Variants in ARHGAP26 observed in about 807,000 individuals in gnomAD.
The protein encoded by ARHGAP26 is rho GTPase-activating protein 26.
ARHGAP26 carries 38 observed loss-of-function variants against 104.8 expected under a neutral mutation model. That is an observed-to-expected ratio of 0.36 (90% CI 0.28 to 0.48). ARHGAP26 has a LOEUF of 0.48. ARHGAP26 is among the 20% of genes least tolerant of loss of function. The pLI is 0.99. For synonymous variants in ARHGAP26, 341 were observed against 340.0 expected, an observed-to-expected ratio of 1.00 and a Z score of -0.03; for missense variants, 704 against 947.9, an observed-to-expected ratio of 0.74 and a Z score of 3.38.
At chr5:143,012,577 T>TATATATATATATATATAC (rs1554195775) in intron 11 of ARHGAP26, among the ~76,000 whole-genome samples, 1 of 19,088 alleles carries the variant, frequency 5.2e-5, no homozygotes, top group Non-Finnish European at 2.2e-4. Flanking sequence ...ATATATATAT[T>TATATATATATATATATAC]ATGATCAGGT....
At chr5:142,774,547 C>T (rs956264107) in intron 1 of ARHGAP26, among the ~76,000 whole-genome samples, 21 of 152,138 alleles carry the variant, frequency 1.4e-4, no homozygotes, top group Admixed American at 3.9e-4. Flanking sequence ...TAGCATAGTA[C>T]AGTTGTTATA....
intron 12 of ARHGAP26, among the ~76,000 whole-genome samples, chr5:143,035,619 T>C (rs1054548461): frequency 2.0e-5 from 3 of 151,920 alleles, no homozygotes; most frequent in Non-Finnish European, 4.4e-5. Flanking sequence ...TGCATGAAAA[T>C]CTCACAAGTC....
chr5:143,142,050 G>A (rs914662272), intron 19 of ARHGAP26, among the ~76,000 whole-genome samples: 49 of 151,110 alleles, frequency 3.2e-4, no homozygotes, highest in Non-Finnish European at 4.3e-4. Context: ...ATCAGAAGTC[G>A]TTTTGCTGAA....
intron 1 of ARHGAP26, among the ~76,000 whole-genome samples, chr5:142,804,034 T>A (rs1031766447): frequency 1.3e-5 from 2 of 152,174 alleles, no homozygotes; most frequent in African/African-American, 4.8e-5. Flanking sequence ...TTATTCCCAT[T>A]TTCCACATGA....
chr5:143,096,739 G>A (rs1002066333), intron 17 of ARHGAP26, among the ~76,000 whole-genome samples: 3 of 150,946 alleles, frequency 2.0e-5, no homozygotes, highest in Admixed American at 1.3e-4. Context: ...ATGACTATTG[G>A]TATAACTTGG....
chr5:143,188,535 A>ATAT (rs1172539396), intron 20 of ARHGAP26, among the ~76,000 whole-genome samples: 3 of 152,200 alleles, frequency 2.0e-5, no homozygotes, highest in African/African-American at 7.2e-5. Flanking sequence ...ATTTGAGTAT[A>ATAT]TATAGTAGAG....
chr5:143,053,899 A>G (rs1211292600), intron 14 of ARHGAP26, among the ~76,000 whole-genome samples: 1 of 152,108 alleles, frequency 6.6e-6, no homozygotes, highest in Non-Finnish European at 1.5e-5. Flanking sequence ...GGCATTTTCC[A>G]TGTTGCTTTA....
intron 17 of ARHGAP26, among the ~76,000 whole-genome samples, chr5:143,094,008 C>G (rs1791885616): frequency 6.6e-6 from 1 of 152,170 alleles, no homozygotes; most frequent in Non-Finnish European, 1.5e-5. Flanking sequence ...GGATTTCTCC[C>G]CTGTTTTTGA....
In ARHGAP26 at chr5:143,228,459, C is replaced by G; in HGVS notation, c.*6013C>G. 9.1e-6 allele frequency: 2 copies of G among 219,534 alleles called. No homozygotes were observed. The highest frequency in any genetic ancestry group is 9.1e-6 in the Non-Finnish European group (1 of 109,320). The allele number at this position is 219,534 out of a possible 1,614,324, so 13.6% of individuals were successfully genotyped here. Reference sequence around the variant, plus strand: ...ACTGTTCATATTTATCAAACAATTACTGTCTACAGCTACATTTTTTGTTAA... The same window carrying G: ...ACTGTTCATATTTATCAAACAATTAGTGTCTACAGCTACATTTTTTGTTAA... On this transcript the variant is annotated 3_prime_UTR_variant, in exon 23 of 23. Transcript: ENST00000645722.
At chr5:143,220,588 G>T (rs551201740) in intron 22 of ARHGAP26, among the ~76,000 whole-genome samples, 2 of 152,226 alleles carry the variant, frequency 1.3e-5, no homozygotes, top group East Asian at 3.8e-4. Flanking sequence ...GCATGGGAGA[G>T]CTTTGGTCAT....
At chr5:142,830,872 C>G (rs1768280073) in intron 1 of ARHGAP26, among the ~76,000 whole-genome samples, 1 of 152,188 alleles carries the variant, frequency 6.6e-6, no homozygotes, top group South Asian at 2.1e-4. Context: ...ATTCCACTTA[C>G]ATGCCTGCTC....
chr5:143,095,819 G>A (rs1376709831), intron 17 of ARHGAP26, among the ~76,000 whole-genome samples: 2 of 152,180 alleles, frequency 1.3e-5, no homozygotes, highest in Non-Finnish European at 2.9e-5. Context: ...TGATCCACCT[G>A]CCTCAGCCTC....
chr5:143,195,811 C>T (rs1264076768), intron 20 of ARHGAP26, among the ~76,000 whole-genome samples: 1 of 141,404 alleles, frequency 7.1e-6, no homozygotes, highest in Non-Finnish European at 1.6e-5. Context: ...GCTGGGGAGA[C>T]TTTTTTTTTT....
intron 14 of ARHGAP26, among the ~76,000 whole-genome samples, chr5:143,048,948 C>A (rs1393844650): frequency 1.3e-5 from 2 of 150,298 alleles, no homozygotes; most frequent in Non-Finnish European, 3.0e-5. Context: ...CTTACCCAAT[C>A]TAGAATGACA....
Position 142,770,430 on chromosome 5 carries a change from G to C in ARHGAP26, c.-332G>C, listed in dbSNP as rs2151778944. On this transcript the variant is annotated 5_prime_UTR_variant, in exon 1 of 23. Coordinates refer to ENST00000645722, the MANE Select transcript of ARHGAP26 (RefSeq NM_001135608.3). Reference sequence around the variant, plus strand: ...GTGAGAGGGCGCTCGAGGCTGCCGAGAGCTAGCTAGCGAAGGAGGCGGGGA... The same window carrying C: ...GTGAGAGGGCGCTCGAGGCTGCCGACAGCTAGCTAGCGAAGGAGGCGGGGA... 1 of 193,748 alleles carries C rather than the reference G, an allele frequency of 5.2e-6. No individual in the cohort carries two copies. The highest frequency in any genetic ancestry group is 1.8e-3 in the Middle Eastern group (1 of 546). The allele number at this position is 193,748 out of a possible 1,614,324, so 12.0% of individuals were successfully genotyped here.
intron 1 of ARHGAP26, among the ~76,000 whole-genome samples, chr5:142,864,348 A>G (rs752900440): frequency 2.6e-5 from 4 of 152,226 alleles, no homozygotes; most frequent in Non-Finnish European, 5.9e-5. Flanking sequence ...AAAAGGCACG[A>G]CTTGAGCTTA....
At chr5:142,840,638 G>A (rs10053874) in intron 1 of ARHGAP26, among the ~76,000 whole-genome samples, 11,501 of 152,164 alleles carry the variant, frequency 0.076, 628 homozygotes, top group African/African-American at 0.15. Context: ...AGTTGTCATC[G>A]TCTTATTTGA....
intron 10 of ARHGAP26, among the ~76,000 whole-genome samples, chr5:142,924,413 G>A (rs1379162496): frequency 6.6e-6 from 1 of 152,230 alleles, no homozygotes; most frequent in Admixed American, 6.5e-5. Flanking sequence ...TACTAGTGGT[G>A]TGACATTATG....
intron 20 of ARHGAP26, among the ~76,000 whole-genome samples, chr5:143,193,648 C>T (rs537194984): frequency 2.6e-5 from 4 of 152,104 alleles, no homozygotes; most frequent in Middle Eastern, 3.4e-3. Context: ...AAAGAGAAGC[C>T]GTAAAGTGCT....
Sources: allele counts gnomAD v4.1 joint callset (sites outside exome capture counted in the v4.1 genomes callset), GRCh38; gene constraint gnomAD v4.1.1; transcripts MANE v1.5; gene names NCBI Gene and HGNC (gene_info 2026-07-23, HGNC 2026-07-21).